The following ANXA4 variants were observed in gnomAD, a reference collection of about 807,000 sequenced individuals.
ANXA4 encodes the protein annexin A4.
In ANXA4, 39 loss-of-function variants were observed where a neutral mutation model predicts 49.8. The ratio of observed to expected loss-of-function variants is 0.78; its 90% confidence interval spans 0.61 to 1.02. The LOEUF (loss-of-function observed/expected upper bound fraction) is 1.02, where lower values mean the gene tolerates loss of function less well. Ranked by LOEUF, ANXA4 falls within the 50% of genes least tolerant of loss-of-function variation. ANXA4 has a pLI of 0.00. For missense variants in ANXA4, 360 were observed against 410.1 expected, an observed-to-expected ratio of 0.88 and a Z score of 1.05; for synonymous variants, 134 against 152.5, an observed-to-expected ratio of 0.88 and a Z score of 0.89.
At chr2:69,647,098 A>G (rs1676034277) in intron 1 of ANXA4, among the ~76,000 whole-genome samples, 1 of 152,220 alleles carries the variant, frequency 6.6e-6, no homozygotes, top group African/African-American at 2.4e-5. Context: ...CGCTTTGTGA[A>G]TAATCAAAGC....
At chr2:69,722,971 G>C (rs1398098282) in intron 3 of ANXA4, among the ~76,000 whole-genome samples, 1 of 150,072 alleles carries the variant, frequency 6.7e-6, no homozygotes, top group Non-Finnish European at 1.5e-5. Context: ...AGGAGATCAA[G>C]ACCATTCTGG....
chr2:69,764,189 G>A (rs56300106), intron 1 of ANXA4, among the ~76,000 whole-genome samples: 194 of 152,248 alleles, frequency 1.3e-3, no homozygotes, highest in African/African-American at 4.4e-3. Flanking sequence ...TGTGATGAAC[G>A]TCTTGGGGTT....
At chr2:69,790,628 T>C (rs1432033322) in intron 3 of ANXA4, among the ~76,000 whole-genome samples, 1 of 152,162 alleles carries the variant, frequency 6.6e-6, no homozygotes, top group Non-Finnish European at 1.5e-5. Context: ...TTGTTTAGCT[T>C]CCTTGGTCTT....
intron 1 of ANXA4, among the ~76,000 whole-genome samples, chr2:69,763,612 CTG>C (rs770181174): frequency 6.6e-6 from 1 of 151,280 alleles, no homozygotes; most frequent in Non-Finnish European, 1.5e-5. Context: ...AAATGACAAA[CTG>C]ATATTATTTT....
Position 69,711,896 on chromosome 2 carries a change from T to G in ANXA4, n.767-8878T>G, listed in dbSNP as rs192171048. On this transcript the variant is annotated intron_variant and non_coding_transcript_variant, in intron 2 of 3. Transcript: ENST00000418066. ...AGGGCACAGAGAGAGAAAAGAGACA[T>G]AGAGAAATATGGGGCATGATGGGGG... Among the ~76,000 whole-genome samples, 148 of 149,138 alleles carry G rather than the reference T, an allele frequency of 9.9e-4. 1 individual carries two copies. Among genetic ancestry groups the G allele is most frequent in the African/African-American group, 3.3e-3 (134 of 40,350 alleles).
intron 1 of ANXA4, among the ~76,000 whole-genome samples, chr2:69,755,916 C>G (rs911332088): frequency 6.6e-6 from 1 of 152,074 alleles, no homozygotes. Context: ...CTTTTTCCTA[C>G]CTTTTACCAT....
At chr2:69,709,981 C>CT (rs974347199) in intron 2 of ANXA4, among the ~76,000 whole-genome samples, 2,438 of 96,844 alleles carry the variant, frequency 0.025, 21 homozygotes, top group Non-Finnish European at 0.029. Context: ...CACTTCCAGG[C>CT]TTTTTTTTTT....
At chr2:69,707,446 TG>T (rs939624455) in intron 2 of ANXA4, among the ~76,000 whole-genome samples, 40 of 152,240 alleles carry the variant, frequency 2.6e-4, no homozygotes, top group Non-Finnish European at 8.8e-5. Context: ...TCCCAATTAC[TG>T]TTTATTTTCT....
Position 69,804,614 on chromosome 2 carries a change from G to A in ANXA4, c.179G>A (p.Ser60Asn), listed in dbSNP as rs200730728. 6.2e-7 allele frequency: 1 copy of A among 1,612,936 alleles called. No individual in the cohort carries two copies. Among genetic ancestry groups the A allele is most frequent in the Admixed American group, 1.7e-5 (1 of 59,896 alleles). Residue 60 changes from serine (S) to asparagine (N), a missense_variant, in exon 4 of 13, where the codon AGC (serine) becomes AAC (asparagine). Transcript: ENST00000394295. ...QRQEIRTAYK[S>N]TIGRDLIDDL... ...CAGGAGATCAGGACAGCCTACAAGAGCACCATCGGCAGGGTAGGCCACAGT... is the reference window on the plus strand; with the variant it reads ...CAGGAGATCAGGACAGCCTACAAGAACACCATCGGCAGGGTAGGCCACAGT...
intron 12 of ANXA4, 85 bp downstream of exon 12, chr2:69,820,906 C>T: frequency 7.1e-7 from 1 of 1,410,434 alleles, no homozygotes; most frequent in Non-Finnish European, 9.6e-7. Context: ...TTGTCCCCCT[C>T]TTCTTGGCAT....
At chr2:69,721,575 C>G (rs1669812133) in intron 3 of ANXA4, among the ~76,000 whole-genome samples, 1 of 152,128 alleles carries the variant, frequency 6.6e-6, no homozygotes, top group African/African-American at 2.4e-5. Context: ...GTGGAACACG[C>G]CTGTAGTCCC....
At chr2:69,727,095 A>T (rs140016746) in intron 3 of ANXA4, among the ~76,000 whole-genome samples, 3 of 152,130 alleles carry the variant, frequency 2.0e-5, no homozygotes, top group African/African-American at 7.2e-5. Context: ...GCTGGCCTTG[A>T]ACTCCTGGGC....
chr2:69,716,606 T>A (rs1669643116), intron 2 of ANXA4, among the ~76,000 whole-genome samples: 1 of 152,050 alleles, frequency 6.6e-6, no homozygotes, highest in Admixed American at 6.5e-5. Flanking sequence ...TGGTGTGACA[T>A]GCTCAAGCTC....
intron 1 of ANXA4, among the ~76,000 whole-genome samples, chr2:69,758,074 A>G (rs1671135014): frequency 6.6e-6 from 1 of 152,052 alleles, no homozygotes; most frequent in Non-Finnish European, 1.5e-5. Context: ...TGTAGTAAAC[A>G]TGAAAACAAA....
chr2:69,813,213 A>G (rs903454728), intron 8 of ANXA4, among the ~76,000 whole-genome samples: 1 of 152,072 alleles, frequency 6.6e-6, no homozygotes, highest in South Asian at 2.1e-4. Context: ...GCTAATAAAA[A>G]GTGGGTCATT....
intron 3 of ANXA4, among the ~76,000 whole-genome samples, chr2:69,796,854 A>G (rs1349086675): frequency 6.6e-6 from 1 of 152,030 alleles, no homozygotes; most frequent in East Asian, 1.9e-4. Flanking sequence ...CTCTCCACAG[A>G]CCCGCCTGAT....
chr2:69,738,773 A>G (rs1000627647), upstream of ANXA4, among the ~76,000 whole-genome samples: 1 of 152,188 alleles, frequency 6.6e-6, no homozygotes, highest in Non-Finnish European at 1.5e-5. Context: ...GTGCCAGTTG[A>G]GACCAACCTT....
intron 2 of ANXA4, among the ~76,000 whole-genome samples, chr2:69,654,387 C>A (rs1676361129): frequency 6.6e-6 from 1 of 152,102 alleles, no homozygotes. Flanking sequence ...ATGCTTCCAG[C>A]TTTTGCCCAT....
chr2:69,649,450 C>G (rs1460298247), intron 1 of ANXA4, among the ~76,000 whole-genome samples: 2 of 150,946 alleles, frequency 1.3e-5, no homozygotes, highest in African/African-American at 4.9e-5. Flanking sequence ...CCATAGTTTC[C>G]TATTTCATTG....
Sources: allele counts gnomAD v4.1 joint callset (sites outside exome capture counted in the v4.1 genomes callset), GRCh38; gene constraint gnomAD v4.1.1; transcripts MANE v1.5; gene names NCBI Gene and HGNC (gene_info 2026-07-23, HGNC 2026-07-21).